Variants in TEKTIP1 observed in about 807,000 individuals in gnomAD.
TEKTIP1 encodes the protein tektin bundle-interacting protein 1.
the TEKTIP1 span, chr19:3,539,432 C>T: frequency 8.9e-5 from 52 of 586,922 alleles, no homozygotes; most frequent in Admixed American, 3.1e-4. Context: ...GGCCAGTGGC[C>T]GCTCACTGTG....
At chr19:3,543,526 A>G in the TEKTIP1 span, 1 of 1,362,540 alleles carries the variant, frequency 7.3e-7, no homozygotes, top group East Asian at 3.3e-5. Context: ...GGGGGACAGG[A>G]ATGACCGCCA....
At chr19:3,542,092 G>C in the TEKTIP1 span, 2 of 983,654 alleles carry the variant, frequency 2.0e-6, no homozygotes, top group Non-Finnish European at 1.2e-6. Flanking sequence ...TTACAGGCAT[G>C]AGCCACTGCG....
chr19:3,543,687 C>G, the TEKTIP1 span: 1 of 1,531,048 alleles, frequency 6.5e-7, no homozygotes, highest in African/African-American at 1.4e-5. Flanking sequence ...TACGGTGAGG[C>G]TAGGTGCAGG....
chr19:3,542,795 A>C, the TEKTIP1 span: 4 of 1,370,180 alleles, frequency 2.9e-6, no homozygotes, highest in South Asian at 1.1e-5. Context: ...TGGGTCCCCC[A>C]GTCTTCCCTG....
At chr19:3,543,318 G>A in the TEKTIP1 span, 33 of 1,549,216 alleles carry the variant, frequency 2.1e-5, no homozygotes, top group Admixed American at 1.4e-4. Flanking sequence ...CCCATGGGAC[G>A]GGACGCAGCC....
chr19:3,542,955 C>T, the TEKTIP1 span: 1 of 1,517,004 alleles, frequency 6.6e-7, no homozygotes, highest in Non-Finnish European at 8.9e-7. Flanking sequence ...CCTCTCCCCT[C>T]CCTCTTCTCC....
At chr19:3,540,470 A>T in the TEKTIP1 span, among the ~76,000 whole-genome samples, 154 of 149,442 alleles carry the variant, frequency 1.0e-3, no homozygotes, top group African/African-American at 3.6e-3. Flanking sequence ...GTTGGCCAGG[A>T]TGGTCTCGAT....
At chr19:3,539,604 C>A in the TEKTIP1 span, 2 of 276,522 alleles carry the variant, frequency 7.2e-6, no homozygotes, top group Non-Finnish European at 1.4e-5. Flanking sequence ...TGTCCCACAC[C>A]TCTTGCAGCC....
the TEKTIP1 span, chr19:3,539,714 T>A: frequency 6.0e-6 from 1 of 166,808 alleles, no homozygotes; most frequent in Non-Finnish European, 1.3e-5. Context: ...CCTCTCCTTA[T>A]AAGGGTGCCA....
At chr19:3,541,808 G>A in the TEKTIP1 span, 2 of 984,432 alleles carry the variant, frequency 2.0e-6, no homozygotes, top group South Asian at 9.4e-5. Flanking sequence ...ATATTATTCT[G>A]TGCTGTTTTG....
At chr19:3,543,430 C>T in the TEKTIP1 span, 18 of 1,545,760 alleles carry the variant, frequency 1.2e-5, no homozygotes, top group East Asian at 4.2e-4. Context: ...CCTACAACCG[C>T]TGGCACAGCT....
At chr19:3,539,678 G>A in the TEKTIP1 span, 13 of 184,840 alleles carry the variant, frequency 7.0e-5, 1 homozygote, top group East Asian at 1.4e-3. Flanking sequence ...GTCTTCACCC[G>A]GCCTTCCTGT....
chr19:3,543,444 A>G, the TEKTIP1 span: 1 of 1,541,664 alleles, frequency 6.5e-7, no homozygotes, highest in South Asian at 1.2e-5. Context: ...CACAGCTGCT[A>G]CCAACACCGT....
chr19:3,539,780 C>T, the TEKTIP1 span: 1 of 155,876 alleles, frequency 6.4e-6, no homozygotes, highest in African/African-American at 2.4e-5. Flanking sequence ...GCTGCATCTG[C>T]TAAAACCATT....
chr19:3,543,431 T>C, the TEKTIP1 span: 6 of 1,544,244 alleles, frequency 3.9e-6, no homozygotes, highest in South Asian at 3.6e-5. Context: ...CTACAACCGC[T>C]GGCACAGCTG....
the TEKTIP1 span, chr19:3,543,890 C>G: frequency 1.9e-6 from 3 of 1,550,862 alleles, no homozygotes; most frequent in Non-Finnish European, 2.6e-6. Flanking sequence ...ACGTGCCCTC[C>G]CTGTCGGCAC....
the TEKTIP1 span, among the ~76,000 whole-genome samples, chr19:3,541,227 T>G: frequency 1.3e-5 from 2 of 150,500 alleles, no homozygotes; most frequent in Admixed American, 6.6e-5. Flanking sequence ...TGCCAGCTAC[T>G]TGGGAGGCTG....
the TEKTIP1 span, chr19:3,543,698 G>T: frequency 6.6e-7 from 1 of 1,518,156 alleles, no homozygotes; most frequent in Non-Finnish European, 8.9e-7. Flanking sequence ...TAGGTGCAGG[G>T]TGGGTCCTTG....
At chr19:3,539,946 G>C in the TEKTIP1 span, 1 of 152,142 alleles carries the variant, frequency 6.6e-6, no homozygotes, top group African/African-American at 2.4e-5. Flanking sequence ...CCATTTCCAA[G>C]GAAAGAAATT....
Sources: allele counts gnomAD v4.1 joint callset (sites outside exome capture counted in the v4.1 genomes callset), GRCh38; gene constraint gnomAD v4.1.1; transcripts MANE v1.5; gene names NCBI Gene and HGNC (gene_info 2026-07-23, HGNC 2026-07-21).